The following KCND2 variants were observed in gnomAD, a reference collection of about 807,000 sequenced individuals.
The protein encoded by KCND2 is A-type voltage-gated potassium channel KCND2.
Under a neutral mutation model 54.4 loss-of-function variants are expected in KCND2, and 16 were observed. That is an observed-to-expected ratio of 0.29 (90% CI 0.20 to 0.45). The LOEUF (loss-of-function observed/expected upper bound fraction) is 0.45. Ranked by LOEUF, KCND2 falls within the 20% of genes least tolerant of loss-of-function variation. The pLI is 1.00. For synonymous variants in KCND2, 317 were observed against 310.7 expected (o/e 1.02, Z -0.21); for missense variants, 486 against 824.2 (o/e 0.59, Z 5.02).
At chr7:120,392,213 T>A (rs1448117402) in intron 1 of KCND2, among the ~76,000 whole-genome samples, 2 of 152,056 alleles carry the variant, frequency 1.3e-5, no homozygotes, top group Non-Finnish European at 2.9e-5. Context: ...TTGTTGAAGA[T>A]CAGATGGTTG....
intron 1 of KCND2, among the ~76,000 whole-genome samples, chr7:120,475,312 A>C (rs1227967333): frequency 6.6e-6 from 1 of 152,222 alleles, no homozygotes; most frequent in Non-Finnish European, 1.5e-5. Flanking sequence ...AAAGTTAACT[A>C]ACATTTGTTG....
intron 1 of KCND2, among the ~76,000 whole-genome samples, chr7:120,309,470 TATATAC>T (rs1244938577): frequency 1.9e-4 from 23 of 124,254 alleles, no homozygotes; most frequent in African/African-American, 4.8e-4. Flanking sequence ...TATATATATA[TATATAC>T]ACACACACAC....
At chr7:120,621,135 T>C (rs1303489356) in intron 1 of KCND2, among the ~76,000 whole-genome samples, 1 of 151,720 alleles carries the variant, frequency 6.6e-6, no homozygotes, top group African/African-American at 2.4e-5. Flanking sequence ...TAGCCAGGCA[T>C]GGTGACACGC....
chr7:120,479,260 A>T (rs1440053542), intron 1 of KCND2, among the ~76,000 whole-genome samples: 1 of 152,200 alleles, frequency 6.6e-6, no homozygotes, highest in African/African-American at 2.4e-5. Context: ...AGAAAAAAAT[A>T]TAAACATATG....
chr7:120,458,057 C>A (rs1178040383), intron 1 of KCND2, among the ~76,000 whole-genome samples: 1 of 152,132 alleles, frequency 6.6e-6, no homozygotes, highest in Non-Finnish European at 1.5e-5. Flanking sequence ...ACCATCAGAT[C>A]TCATGAGAAC....
At chr7:120,557,850 G>A (rs1792183629) in intron 1 of KCND2, among the ~76,000 whole-genome samples, 1 of 152,074 alleles carries the variant, frequency 6.6e-6, no homozygotes, top group South Asian at 2.1e-4. Context: ...TGTCATCCTA[G>A]TTTGGCTGGC....
intron 1 of KCND2, among the ~76,000 whole-genome samples, chr7:120,418,642 G>T (rs1025548217): frequency 2.6e-5 from 4 of 152,078 alleles, no homozygotes; most frequent in African/African-American, 9.7e-5. Context: ...TTAGTTCCCA[G>T]GTGGTGTTTA....
At chr7:120,334,939 C>A (rs997701744) in intron 1 of KCND2, among the ~76,000 whole-genome samples, 3 of 152,140 alleles carry the variant, frequency 2.0e-5, no homozygotes, top group Non-Finnish European at 4.4e-5. Flanking sequence ...ATCCATTCTC[C>A]AACATGGATA....
At chr7:120,370,612 G>A (rs990904844) in intron 1 of KCND2, among the ~76,000 whole-genome samples, 2 of 151,876 alleles carry the variant, frequency 1.3e-5, no homozygotes, top group Admixed American at 6.6e-5. Context: ...TATTTTACAT[G>A]AGAGAGTAAA....
intron 1 of KCND2, among the ~76,000 whole-genome samples, chr7:120,464,763 A>G (rs1802343734): frequency 1.3e-5 from 2 of 152,124 alleles, no homozygotes; most frequent in African/African-American, 4.8e-5. Context: ...CTTGCGGCCA[A>G]GGGGGCACTT....
In KCND2 at chr7:120,699,166, C is replaced by T. The variant is rs1792369360; in HGVS notation, c.1116-33737C>T. On this transcript the variant is annotated intron_variant, in intron 1 of 5. Coordinates refer to ENST00000331113, the MANE Select transcript of KCND2 (RefSeq NM_012281.3). The stretch of plus-strand genomic sequence containing the variant: ...GTGTGGTGGCGGGTACCTGTCGTCC[C>T]AGCTACTTGGGAGGCTGAGGCAGGA... 2.0e-5 allele frequency among the ~76,000 whole-genome samples: 3 copies of T among 151,750 alleles called. No homozygotes were observed. The South Asian group carries it at 6.2e-4, about 32-fold the overall frequency.
intron 1 of KCND2, among the ~76,000 whole-genome samples, chr7:120,367,301 A>G (rs750961862): frequency 6.6e-6 from 1 of 152,122 alleles, no homozygotes; most frequent in South Asian, 2.1e-4. Context: ...AAAATGATCT[A>G]TGTATGAGGT....
chr7:120,317,026 T>G (rs1185631807), intron 1 of KCND2, among the ~76,000 whole-genome samples: 2 of 151,958 alleles, frequency 1.3e-5, no homozygotes, highest in African/African-American at 2.4e-5. Flanking sequence ...TAGTAGAGAC[T>G]AGGTTTCACC....
intron 1 of KCND2, among the ~76,000 whole-genome samples, chr7:120,516,383 T>C (rs1205590935): frequency 6.6e-6 from 1 of 152,160 alleles, no homozygotes; most frequent in African/African-American, 2.4e-5. Flanking sequence ...CATATAATTA[T>C]ACAGATATTG....
intron 1 of KCND2, among the ~76,000 whole-genome samples, chr7:120,721,040 CA>C (rs1164888750): frequency 6.6e-6 from 1 of 152,128 alleles, no homozygotes; most frequent in African/African-American, 2.4e-5. Flanking sequence ...CTAGTATCAA[CA>C]TATTTTCACA....
intron 1 of KCND2, among the ~76,000 whole-genome samples, chr7:120,400,248 G>C (rs1329648880): frequency 6.6e-6 from 1 of 152,098 alleles, no homozygotes; most frequent in African/African-American, 2.4e-5. Flanking sequence ...TTAAATATCT[G>C]AATGCAAAAG....
At chr7:120,424,397 G>A (rs1250313686) in intron 1 of KCND2, among the ~76,000 whole-genome samples, 1 of 152,186 alleles carries the variant, frequency 6.6e-6, no homozygotes, top group Non-Finnish European at 1.5e-5. Context: ...TGGAAAGAGT[G>A]AATATGTTAT....
chr7:120,325,377 C>A (rs1361584483), intron 1 of KCND2, among the ~76,000 whole-genome samples: 1 of 146,574 alleles, frequency 6.8e-6, no homozygotes, highest in Non-Finnish European at 1.5e-5. Flanking sequence ...CTGTCTTGTG[C>A]CAGTTTTCAA....
At chr7:120,477,044 A>G (rs1399322839) in intron 1 of KCND2, among the ~76,000 whole-genome samples, 5 of 152,208 alleles carry the variant, frequency 3.3e-5, no homozygotes, top group Admixed American at 1.3e-4. Context: ...ACTTTGGCCT[A>G]GCATTGGTGC....
Sources: allele counts gnomAD v4.1 joint callset (sites outside exome capture counted in the v4.1 genomes callset), GRCh38; gene constraint gnomAD v4.1.1; transcripts MANE v1.5; gene names NCBI Gene and HGNC (gene_info 2026-07-23, HGNC 2026-07-21).